The following CDH18 variants were observed in gnomAD, a reference collection of about 807,000 sequenced individuals.
CDH18 encodes the protein cadherin 18, also known as cadherin-18.
CDH18 carries 31 observed loss-of-function variants against 67.9 expected under a neutral mutation model. The ratio of observed to expected loss-of-function variants is 0.46; its 90% CI spans 0.34 to 0.62. CDH18 has a LOEUF of 0.62. CDH18 is among the 20% of genes least tolerant of loss of function. The pLI is 0.01. For synonymous variants in CDH18, 362 were observed against 347.2 expected, an observed-to-expected ratio of 1.04 and a Z score of -0.48; for missense variants, 890 against 975.5, an observed-to-expected ratio of 0.91 and a Z score of 1.17.
intron 1 of CDH18, among the ~76,000 whole-genome samples, chr5:20,445,539 A>C (rs559089282): frequency 9.3e-4 from 142 of 152,304 alleles, no homozygotes; most frequent in African/African-American, 3.2e-3. Context: ...GAGAGGTTAA[A>C]CTCAACTCTG....
chr5:19,791,764 G>T (rs753933112), intron 3 of CDH18, among the ~76,000 whole-genome samples: 11 of 152,094 alleles, frequency 7.2e-5, no homozygotes, highest in African/African-American at 2.7e-4. Context: ...TTCAAACTCC[G>T]AATGTGAATC....
At position 20,561,331 on chromosome 5, in the gene CDH18, T is replaced by G. The variant is rs532835645; in HGVS notation, c.-580+14131A>C. 2.6e-5 allele frequency among the ~76,000 whole-genome samples: 4 copies of G among 152,240 alleles called. No individual in the cohort carries two copies. The East Asian group carries it at 7.7e-4, about 29-fold the overall frequency. ...ATGTTTATAGCAATATTATTCATAA[T>G]TGTCAAAACTTGTAAGTAAGCAAGA... On this transcript the variant is annotated intron_variant, in intron 1 of 14. Coordinates refer to the CDH18 transcript ENST00000507958.
At chr5:20,293,115 A>G (rs1747228347) in intron 1 of CDH18, among the ~76,000 whole-genome samples, 1 of 152,110 alleles carries the variant, frequency 6.6e-6, no homozygotes, top group Non-Finnish European at 1.5e-5. Context: ...TCAGGAGTTC[A>G]AGACCACACT....
chr5:19,738,011 C>T (rs1047440907), intron 4 of CDH18, among the ~76,000 whole-genome samples: 1 of 151,856 alleles, frequency 6.6e-6, no homozygotes, highest in East Asian at 1.9e-4. Context: ...ATGAGAAAAT[C>T]GATTCATGAA....
chr5:19,523,150 A>T (rs1747197200), intron 9 of CDH18, among the ~76,000 whole-genome samples: 1 of 152,166 alleles, frequency 6.6e-6, no homozygotes, highest in Non-Finnish European at 1.5e-5. Flanking sequence ...AGTAACAATA[A>T]GAATAATGAC....
intron 1 of CDH18, among the ~76,000 whole-genome samples, chr5:20,471,362 T>C (rs975989058): frequency 3.9e-5 from 6 of 152,108 alleles, no homozygotes; most frequent in Non-Finnish European, 8.8e-5. Context: ...GGTTTCCCTG[T>C]TTTCATCCAC....
chr5:20,492,383 C>T (rs1753647214), intron 1 of CDH18, among the ~76,000 whole-genome samples: 1 of 152,064 alleles, frequency 6.6e-6, no homozygotes, highest in African/African-American at 2.4e-5. Flanking sequence ...TTATTTCTTT[C>T]ATTTAACAAT....
intron 11 of CDH18, among the ~76,000 whole-genome samples, chr5:19,498,734 A>AT (rs1423981396): frequency 2.0e-5 from 3 of 152,170 alleles, no homozygotes; most frequent in South Asian, 4.1e-4. Flanking sequence ...TTGACTTTAT[A>AT]TGGAACTTTA....
At chr5:19,854,084 T>C (rs1481381941) in intron 2 of CDH18, among the ~76,000 whole-genome samples, 1 of 152,102 alleles carries the variant, frequency 6.6e-6, no homozygotes, top group East Asian at 1.9e-4. Context: ...CTTTTAAACA[T>C]ATCACAAATA....
intron 11 of CDH18, among the ~76,000 whole-genome samples, chr5:19,489,427 T>C (rs376049121): frequency 2.0e-5 from 3 of 151,906 alleles, no homozygotes; most frequent in Admixed American, 6.6e-5. Context: ...TTTTGTATTT[T>C]TAGTAGAGAC....
chr5:19,946,308 A>T (rs1795278184), intron 2 of CDH18, among the ~76,000 whole-genome samples: 1 of 152,172 alleles, frequency 6.6e-6, no homozygotes, highest in Non-Finnish European at 1.5e-5. Context: ...GAGCAAGTAA[A>T]CTAAGATAAT....
intron 3 of CDH18, among the ~76,000 whole-genome samples, chr5:19,795,720 T>C (rs533397751): frequency 1.1e-4 from 17 of 151,716 alleles, no homozygotes; most frequent in African/African-American, 1.4e-4. Context: ...ACGGAGAAAA[T>C]TGTAACTTAA....
chr5:20,536,071 T>G (rs2126570024), intron 1 of CDH18, among the ~76,000 whole-genome samples: 1 of 152,316 alleles, frequency 6.6e-6, no homozygotes, highest in South Asian at 2.1e-4. Context: ...GTTTTATAAT[T>G]TTTTAAAATA....
chr5:19,706,342 A>C (rs1042762374), intron 5 of CDH18, among the ~76,000 whole-genome samples: 1 of 152,216 alleles, frequency 6.6e-6, no homozygotes, highest in African/African-American at 2.4e-5. Context: ...AATGCCAGAC[A>C]CTTTCGCAAT....
In CDH18 at chr5:19,898,499, A is replaced by T. The variant is rs956364238; in HGVS notation, c.-256-59257T>A. Among the ~76,000 whole-genome samples the T allele has an allele frequency of 2.0e-5, 3 of 152,126 alleles. No homozygotes were observed. In the South Asian group the frequency reaches 6.2e-4, roughly 31 times the overall value. On this transcript the variant is annotated intron_variant, in intron 2 of 12. Transcript: ENST00000382275. ...TAGAGAGATTCATCCAGCTCTGCTT[A>T]TTGAAAATTTAGCAGAGGGGATTAC...
chr5:20,293,544 C>T (rs1490252022), intron 1 of CDH18, among the ~76,000 whole-genome samples: 1 of 152,054 alleles, frequency 6.6e-6, no homozygotes, highest in Non-Finnish European at 1.5e-5. Context: ...AAGATGATTG[C>T]ACTTTATTTG....
intron 11 of CDH18, among the ~76,000 whole-genome samples, chr5:19,500,465 T>C (rs571705313): frequency 5.9e-5 from 9 of 152,274 alleles, no homozygotes; most frequent in East Asian, 5.8e-4. Context: ...GCTGAATTTA[T>C]GGAGGACAAC....
intron 2 of CDH18, among the ~76,000 whole-genome samples, chr5:20,093,923 G>A (rs1393314250): frequency 6.6e-6 from 1 of 152,166 alleles, no homozygotes; most frequent in Admixed American, 6.6e-5. Context: ...ATGTTTTGAA[G>A]AGAAAGGAGA....
At chr5:19,738,501 C>A (rs1439832781) in intron 4 of CDH18, among the ~76,000 whole-genome samples, 2 of 152,078 alleles carry the variant, frequency 1.3e-5, no homozygotes, top group African/African-American at 2.4e-5. Context: ...TTTCAGTTTT[C>A]TACATTGAGG....
Sources: allele counts gnomAD v4.1 joint callset (sites outside exome capture counted in the v4.1 genomes callset), GRCh38; gene constraint gnomAD v4.1.1; transcripts MANE v1.5; gene names NCBI Gene and HGNC (gene_info 2026-07-23, HGNC 2026-07-21).